Variants in PCDH15 observed in about 807,000 individuals in gnomAD.
PCDH15 encodes protocadherin-15.
In PCDH15, 129 loss-of-function variants were observed where a neutral mutation model predicts 178.5. The ratio of observed to expected loss-of-function variants is 0.72; its 90% CI spans 0.63 to 0.84. The LOEUF is 0.84. Among genes scored for constraint, PCDH15 ranks in the 40% least tolerant of loss-of-function variants. The pLI, the probability that PCDH15 is intolerant of heterozygous loss-of-function variation, is 0.00. For missense variants in PCDH15, 2,230 were observed against 2,099.9 expected (o/e 1.06, Z -1.21); for synonymous variants, 800 against 732.0 (o/e 1.09, Z -1.50).
chr10:55,094,404 T>TG (rs1245093324), intron 2 of PCDH15, among the ~76,000 whole-genome samples: 1 of 150,814 alleles, frequency 6.6e-6, no homozygotes, highest in African/African-American at 2.4e-5. Context: ...GGTAGGGGGA[T>TG]GGGGGAGGGA....
At position 53,809,480 on chromosome 10, in the gene PCDH15, C is replaced by T. The variant is rs753366018; in HGVS notation, c.4671+1076G>A. On this transcript the variant is annotated intron_variant, in intron 37 of 37. Transcript: ENST00000644397. ...GCTGGTGGTTTTTCGATAGTTACAA[C>T]TACTTCTTCCTCCTCACTAGGCTCT... 17 of 1,613,804 alleles carry T rather than the reference C, an allele frequency of 1.1e-5. No individual in the cohort carries two copies. In the South Asian group the frequency reaches 1.3e-4, roughly 13 times the overall value.
chr10:55,590,093 G>C (rs1842810753), intron 2 of PCDH15, among the ~76,000 whole-genome samples: 1 of 150,808 alleles, frequency 6.6e-6, no homozygotes, highest in Non-Finnish European at 1.5e-5. Context: ...ACTGGATTAA[G>C]AAAATGTGGC....
At chr10:54,726,483 A>G (rs548046882) in intron 1 of PCDH15, among the ~76,000 whole-genome samples, 55 of 150,290 alleles carry the variant, frequency 3.7e-4, no homozygotes, top group South Asian at 3.5e-3. Context: ...GACAGTGAAT[A>G]GCTATAAAAT....
chr10:55,411,658 C>T (rs149876901), intron 2 of PCDH15, among the ~76,000 whole-genome samples: 2,154 of 152,212 alleles, frequency 0.014, 28 homozygotes, highest in Non-Finnish European at 0.023. Context: ...TATTCTACTA[C>T]ATCCTTAGAG....
At chr10:55,527,432 C>T (rs1841324817) in intron 2 of PCDH15, among the ~76,000 whole-genome samples, 1 of 151,834 alleles carries the variant, frequency 6.6e-6, no homozygotes, top group South Asian at 2.1e-4. Flanking sequence ...CAAAGTACTC[C>T]TTTTTTAAAA....
At chr10:54,818,059 T>TA (rs1259333821) in intron 3 of PCDH15, among the ~76,000 whole-genome samples, 1 of 152,028 alleles carries the variant, frequency 6.6e-6, no homozygotes, top group Non-Finnish European at 1.5e-5. Context: ...TTTGGAGTAT[T>TA]AAAATCCATA....
intron 2 of PCDH15, among the ~76,000 whole-genome samples, chr10:54,938,822 A>G (rs1273787101): frequency 1.3e-5 from 2 of 152,194 alleles, no homozygotes; most frequent in Non-Finnish European, 2.9e-5. Flanking sequence ...CTCTGATCTT[A>G]GAGAGATGTC....
rs751657667 is a variant in PCDH15, at chr10:54,185,117, A to G, written c.1440+17T>C. 8 of 1,612,000 alleles carry G rather than the reference A, an allele frequency of 5.0e-6. No homozygotes were observed. Among genetic ancestry groups the G allele is most frequent in the Non-Finnish European group, 6.8e-6 (8 of 1,178,358 alleles). Reference sequence around the variant, plus strand: ...CATTCATACATACATATGTATATTTACACAAAAGCTCTTTACCGAAAAGGT... The same window carrying G: ...CATTCATACATACATATGTATATTTGCACAAAAGCTCTTTACCGAAAAGGT... On this transcript the variant is annotated intron_variant, in intron 12 of 37. Coordinates refer to ENST00000644397, the MANE Select transcript of PCDH15 (RefSeq NM_001384140.1).
At chr10:54,455,602 A>C (rs1292315629) in intron 3 of PCDH15, among the ~76,000 whole-genome samples, 5 of 152,176 alleles carry the variant, frequency 3.3e-5, no homozygotes, top group African/African-American at 1.2e-4. Flanking sequence ...GTGCTAAAGC[A>C]ATCAAGAGGA....
chr10:55,599,814 C>A, intron 2 of PCDH15: 2 of 713,352 alleles, frequency 2.8e-6, no homozygotes, highest in Non-Finnish European at 4.3e-6. Flanking sequence ...GCACTGCCTG[C>A]TCAGTGACAT....
chr10:55,558,506 T>C (rs1462706948), intron 2 of PCDH15, among the ~76,000 whole-genome samples: 1 of 152,134 alleles, frequency 6.6e-6, no homozygotes, highest in Non-Finnish European at 1.5e-5. Context: ...CTAATTTTTA[T>C]TTTATATGAA....
intron 1 of PCDH15, among the ~76,000 whole-genome samples, chr10:54,704,850 A>G (rs748748004): frequency 1.3e-5 from 2 of 152,136 alleles, no homozygotes; most frequent in African/African-American, 2.4e-5. Flanking sequence ...AATATAAATC[A>G]TTCTACCATA....
chr10:55,280,291 T>C lies in PCDH15; in HGVS notation c.-156+39308A>G, dbSNP rs1226459476. Among the ~76,000 whole-genome samples the C allele has an allele frequency of 3.5e-5, 5 of 144,694 alleles. No individual in the cohort carries two copies. In the East Asian group the frequency reaches 9.9e-4, roughly 29 times the overall value. 94.9% of individuals were successfully genotyped at this position (144,694 alleles called of 152,430 possible). ...ATTCTTTTTTTTTTTTTTTTTTTTT[T>C]TTTTGAGACGGTGTTTTGCTCTGTG... On this transcript the variant is annotated intron_variant, in intron 1 of 5. Transcript: ENST00000458638.
intron 2 of PCDH15, among the ~76,000 whole-genome samples, chr10:54,583,023 C>A (rs2091172910): frequency 4.5e-5 from 1 of 22,108 alleles, no homozygotes; most frequent in Non-Finnish European, 1.7e-4. Flanking sequence ...TGCATATATA[C>A]AATCTGAGCT....
At chr10:53,997,977 G>A (rs1911411) in intron 20 of PCDH15, among the ~76,000 whole-genome samples, 2 of 151,988 alleles carry the variant, frequency 1.3e-5, no homozygotes, top group East Asian at 3.9e-4. Flanking sequence ...GAGGAGAAAT[G>A]TATTGAAATG....
In PCDH15 at chr10:55,593,889, G is replaced by T. The variant is rs182485432; in HGVS notation, c.-156+33736C>A. On this transcript the variant is annotated intron_variant, in intron 2 of 5. Coordinates refer to the PCDH15 transcript ENST00000613346. ...GATCTGGATGATTGAATTGTCATTT[G>T]GGGATTATTACCATCATACAGCTCA... is the stretch of plus-strand genomic sequence containing the variant. Among the ~76,000 whole-genome samples the T allele has an allele frequency of 6.6e-5, 10 of 151,848 alleles. No individual in the cohort carries two copies. The South Asian group carries it at 1.9e-3, about 28-fold the overall frequency.
intron 14 of PCDH15, among the ~76,000 whole-genome samples, chr10:54,144,057 C>T (rs1441234888): frequency 7.1e-6 from 1 of 141,682 alleles, no homozygotes; most frequent in Non-Finnish European, 1.5e-5. Context: ...TAGATTTGTC[C>T]TGCTATGACT....
At chr10:55,400,622 C>T (rs1450902450) in intron 2 of PCDH15, among the ~76,000 whole-genome samples, 2 of 152,174 alleles carry the variant, frequency 1.3e-5, no homozygotes, top group African/African-American at 2.4e-5. Flanking sequence ...AACAAAGACA[C>T]TTGATATGCA....
intron 2 of PCDH15, among the ~76,000 whole-genome samples, chr10:54,559,561 A>C (rs985869849): frequency 6.6e-6 from 1 of 152,060 alleles, no homozygotes; most frequent in Non-Finnish European, 1.5e-5. Context: ...TACTGAGACC[A>C]TATATTCTGA....
Sources: gnomAD v4.1 joint callset for allele counts (sites outside exome capture counted in the v4.1 genomes callset) on GRCh38, gnomAD v4.1.1 for gene constraint, MANE v1.5 for transcripts, NCBI Gene and HGNC (gene_info 2026-07-23, HGNC 2026-07-21) for gene names.